The following SEZ6L variants were observed in gnomAD, a reference collection of about 807,000 sequenced individuals.
The protein encoded by SEZ6L is seizure 6-like protein.
In SEZ6L, 37 loss-of-function variants were observed where a neutral mutation model predicts 106.2. The observed-to-expected ratio is 0.35, with a 90% CI of 0.27 to 0.46. The LOEUF (loss-of-function observed/expected upper bound fraction) is 0.46. SEZ6L is among the 20% of genes least tolerant of loss of function. The pLI is 1.00. For missense variants in SEZ6L, 1,172 were observed against 1,332.8 expected, an observed-to-expected ratio of 0.88 and a Z score of 1.88; for synonymous variants, 541 against 570.4, an observed-to-expected ratio of 0.95 and a Z score of 0.73.
chr22:26,375,460 C>G, intron 14 of SEZ6L, 115 bp from the exon 15 acceptor site: 2 of 789,338 alleles, frequency 2.5e-6, no homozygotes, highest in East Asian at 2.6e-5. Context: ...TAAGGCCCTC[C>G]CAGAGCCTTA....
chr22:26,314,477 T>A (rs2081942148), intron 9 of SEZ6L, among the ~76,000 whole-genome samples: 1 of 152,232 alleles, frequency 6.6e-6, no homozygotes, highest in Non-Finnish European at 1.5e-5. Flanking sequence ...TTTTCCTGTT[T>A]GTCTCCCTCA....
At chr22:26,295,227 T>C (rs1297123874) in intron 3 of SEZ6L, among the ~76,000 whole-genome samples, 1 of 152,150 alleles carries the variant, frequency 6.6e-6, no homozygotes, top group Non-Finnish European at 1.5e-5. Flanking sequence ...CAGAGATCAT[T>C]TGGCCACAGC....
At chr22:26,347,231 G>A (rs930165494) in intron 10 of SEZ6L, among the ~76,000 whole-genome samples, 4 of 122,968 alleles carry the variant, frequency 3.3e-5, no homozygotes, top group Non-Finnish European at 6.8e-5. Context: ...ATGATGATAA[G>A]AATAATAATA....
At chr22:26,376,968 A>G (rs981089118) in intron 15 of SEZ6L, among the ~76,000 whole-genome samples, 1 of 152,110 alleles carries the variant, frequency 6.6e-6, no homozygotes, top group Middle Eastern at 3.4e-3. Context: ...GGTGAGTAAC[A>G]GAGAAATCAC....
intron 9 of SEZ6L, among the ~76,000 whole-genome samples, chr22:26,321,029 G>C (rs770003502): frequency 1.3e-5 from 2 of 152,168 alleles, no homozygotes; most frequent in Non-Finnish European, 2.9e-5. Flanking sequence ...AGAGATGGAG[G>C]GGAACAGTGT....
At chr22:26,194,381 T>C (rs1940443830) in intron 1 of SEZ6L, among the ~76,000 whole-genome samples, 1 of 152,186 alleles carries the variant, frequency 6.6e-6, no homozygotes, top group African/African-American at 2.4e-5. Flanking sequence ...TGCAGATCTT[T>C]GTTATAACTA....
chr22:26,265,242 C>G (rs1249675049), intron 1 of SEZ6L, among the ~76,000 whole-genome samples: 1 of 152,168 alleles, frequency 6.6e-6, no homozygotes, highest in Non-Finnish European at 1.5e-5. Context: ...CCTTGTCAAC[C>G]TGAATTGCCT....
chr22:26,288,936 C>A (rs137201), intron 1 of SEZ6L, among the ~76,000 whole-genome samples: 1 of 152,170 alleles, frequency 6.6e-6, no homozygotes, highest in African/African-American at 2.4e-5. Context: ...CCCCAACATC[C>A]GCCAGTGTTG....
chr22:26,237,854 A>T (rs1317303150), intron 1 of SEZ6L, among the ~76,000 whole-genome samples: 1 of 152,152 alleles, frequency 6.6e-6, no homozygotes, highest in Non-Finnish European at 1.5e-5. Flanking sequence ...GCTATTTCAC[A>T]TGCCGGCTGT....
intron 4 of SEZ6L, among the ~76,000 whole-genome samples, chr22:26,298,019 CAT>C (rs1030239621): frequency 2.6e-5 from 4 of 152,110 alleles, no homozygotes; most frequent in African/African-American, 9.7e-5. Flanking sequence ...TATTGAGAGC[CAT>C]CATGTGTTAT....
At chr22:26,373,389 A>T in intron 13 of SEZ6L, 62 bp from the exon 14 acceptor site, 1 of 1,522,048 alleles carries the variant, frequency 6.6e-7, no homozygotes, top group Non-Finnish European at 8.9e-7. Context: ...TTTTGGCCTC[A>T]TTTCATGCAA....
At chr22:26,320,898 C>T (rs2082136212) in intron 9 of SEZ6L, among the ~76,000 whole-genome samples, 2 of 152,190 alleles carry the variant, frequency 1.3e-5, no homozygotes, top group African/African-American at 4.8e-5. Context: ...TGCTGCTATG[C>T]ATCCTACAAT....
intron 1 of SEZ6L, among the ~76,000 whole-genome samples, chr22:26,243,434 T>G (rs1415591681): frequency 6.6e-6 from 1 of 152,178 alleles, no homozygotes; most frequent in Non-Finnish European, 1.5e-5. Context: ...ACATGAGCCA[T>G]GCAAATAACT....
At chr22:26,300,466 C>A (rs2081420067) in intron 5 of SEZ6L, among the ~76,000 whole-genome samples, 1 of 152,162 alleles carries the variant, frequency 6.6e-6, no homozygotes, top group Non-Finnish European at 1.5e-5. Context: ...CATCCATATC[C>A]CTACAAAGGA....
chr22:26,320,884 G>A (rs2145943508), intron 9 of SEZ6L, among the ~76,000 whole-genome samples: 1 of 152,322 alleles, frequency 6.6e-6, no homozygotes, highest in East Asian at 1.9e-4. Flanking sequence ...GGACAGGCCA[G>A]GGATGCTGCT....
chr22:26,357,090 T>A (rs1489349770), intron 12 of SEZ6L, among the ~76,000 whole-genome samples: 2 of 152,110 alleles, frequency 1.3e-5, no homozygotes, highest in African/African-American at 2.4e-5. Flanking sequence ...TAGCTGGGAC[T>A]ACAGGTGCCC....
At chr22:26,224,463 A>G (rs1238075009) in intron 1 of SEZ6L, among the ~76,000 whole-genome samples, 2 of 152,186 alleles carry the variant, frequency 1.3e-5, no homozygotes, top group Non-Finnish European at 2.9e-5. Flanking sequence ...GCCCATGGCA[A>G]GGAGTTTGGG....
At chr22:26,187,876 T>C (rs1939893498) in intron 1 of SEZ6L, among the ~76,000 whole-genome samples, 1 of 152,204 alleles carries the variant, frequency 6.6e-6, no homozygotes, top group Admixed American at 6.5e-5. Flanking sequence ...CCAAGCTTTT[T>C]CCAGCAAAAG....
At chr22:26,198,030 G>A (rs1259499441) in intron 1 of SEZ6L, among the ~76,000 whole-genome samples, 3 of 152,184 alleles carry the variant, frequency 2.0e-5, no homozygotes, top group African/African-American at 7.2e-5. Flanking sequence ...ACTTATAGAT[G>A]GACTGGGGCA....
Sources: allele counts gnomAD v4.1 joint callset (sites outside exome capture counted in the v4.1 genomes callset), GRCh38; gene constraint gnomAD v4.1.1; transcripts MANE v1.5; gene names NCBI Gene and HGNC (gene_info 2026-07-23, HGNC 2026-07-21).